Variants in ANKRD55 observed in about 807,000 individuals in gnomAD.
The protein encoded by ANKRD55 is ankyrin repeat domain-containing protein 55.
In ANKRD55, 41 loss-of-function variants were observed where a neutral mutation model predicts 60.6. The observed-to-expected ratio is 0.68, with a 90% CI of 0.53 to 0.88. The LOEUF (loss-of-function observed/expected upper bound fraction) is 0.88. ANKRD55 is among the 40% of genes least tolerant of loss of function. The probability of loss-of-function intolerance (pLI) is 0.00; values close to 1 mark genes in which losing one functional copy is unlikely to be tolerated. For missense variants in ANKRD55, 732 were observed against 767.6 expected (o/e 0.95, Z 0.55); for synonymous variants, 264 against 290.3 (o/e 0.91, Z 0.92).
intron 5 of ANKRD55, among the ~76,000 whole-genome samples, chr5:56,167,787 G>C (rs2111808501): frequency 6.6e-6 from 1 of 152,270 alleles, no homozygotes; most frequent in South Asian, 2.1e-4. Flanking sequence ...CCTAGTTATA[G>C]CAACTTAATG....
At chr5:56,196,277 C>A (rs1759226096) in intron 2 of ANKRD55, among the ~76,000 whole-genome samples, 1 of 152,048 alleles carries the variant, frequency 6.6e-6, no homozygotes, top group Non-Finnish European at 1.5e-5. Flanking sequence ...AATAAGGGAG[C>A]AATAAATAGA....
chr5:56,177,702 G>A (rs1758765686), intron 3 of ANKRD55, among the ~76,000 whole-genome samples: 2 of 152,090 alleles, frequency 1.3e-5, no homozygotes, highest in South Asian at 4.1e-4. Context: ...TTGAACCCGG[G>A]AGGTGGAGGT....
At chr5:56,230,358 A>T (rs763673119) in intron 2 of ANKRD55, among the ~76,000 whole-genome samples, 9 of 152,172 alleles carry the variant, frequency 5.9e-5, no homozygotes, top group Non-Finnish European at 1.2e-4. Flanking sequence ...CTCCCAAAGC[A>T]CTGGGATTAC....
intron 10 of ANKRD55, among the ~76,000 whole-genome samples, chr5:56,109,609 A>T (rs993867498): frequency 1.1e-4 from 16 of 151,800 alleles, no homozygotes; most frequent in African/African-American, 3.9e-4. Context: ...AAGTTCTGAG[A>T]TTACAAGTGT....
chr5:56,135,387 C>T (rs1013541149), intron 7 of ANKRD55, among the ~76,000 whole-genome samples: 2 of 137,186 alleles, frequency 1.5e-5, no homozygotes, highest in Non-Finnish European at 3.1e-5. Flanking sequence ...TTCTTTCTTT[C>T]TTGACAGGGT....
chr5:56,225,693 GACAA>G (rs1351999489), intron 2 of ANKRD55, among the ~76,000 whole-genome samples: 5 of 152,102 alleles, frequency 3.3e-5, no homozygotes, highest in Non-Finnish European at 4.4e-5. Flanking sequence ...ACCAACAACA[GACAA>G]ACAGAGAGCC....
At position 56,111,802 on chromosome 5, in the gene ANKRD55, C is replaced by T; in HGVS notation, c.966-20G>A. The T allele has an allele frequency of 6.8e-7, 1 of 1,477,290 alleles. No individual in the cohort carries two copies. The highest frequency in any genetic ancestry group is 8.9e-7 in the Non-Finnish European group (1 of 1,117,918). The allele number at this position is 1,477,290 out of a possible 1,614,324, so 91.5% of individuals were successfully genotyped here. On this transcript the variant is annotated intron_variant, in intron 9 of 11. Transcript: ENST00000341048. ...TCTGTTCTATGCGAATATAAAAGAG[C>T]AGGGATGATATGTGAGTATGGGAAG...
intron 8 of ANKRD55, among the ~76,000 whole-genome samples, chr5:56,118,904 A>G (rs1237854909): frequency 1.3e-5 from 2 of 152,172 alleles, no homozygotes; most frequent in African/African-American, 4.8e-5. Context: ...ACCCAAAGAG[A>G]ACAAAGCTTG....
intron 6 of ANKRD55, among the ~76,000 whole-genome samples, chr5:56,147,035 C>A (rs576035003): frequency 5.9e-5 from 9 of 152,172 alleles, no homozygotes; most frequent in Non-Finnish European, 1.0e-4. Context: ...GAAACCCCCC[C>A]ACAAAACCCA....
chr5:56,192,715 G>A, intron 2 of ANKRD55: 2 of 1,371,024 alleles, frequency 1.5e-6, no homozygotes, highest in South Asian at 1.2e-5. Context: ...ATAATGGACA[G>A]AATCATCTAG....
rs530251999 is a variant in ANKRD55 at position 56,142,436 on chromosome 5, G to A, written c.612+1365C>T. ...AATCTGTTGTTTTACAAGCACTGCT[G>A]GTGATTCCATCGCAAGGCCAGGTCT... On this transcript the variant is annotated intron_variant, in intron 7 of 11. Transcript: ENST00000341048. Among the ~76,000 whole-genome samples, 5 of 152,314 alleles carry A rather than the reference G, an allele frequency of 3.3e-5. No individual in the cohort carries two copies. In the East Asian group the frequency reaches 7.7e-4, roughly 24 times the overall value.
At chr5:56,232,481 C>A (rs1760280859) in intron 2 of ANKRD55, among the ~76,000 whole-genome samples, 1 of 152,066 alleles carries the variant, frequency 6.6e-6, no homozygotes, top group African/African-American at 2.4e-5. Context: ...CATTGCTTAC[C>A]CTAATTTTTA....
intron 6 of ANKRD55, among the ~76,000 whole-genome samples, chr5:56,152,056 A>G (rs1758067865): frequency 6.8e-6 from 1 of 146,904 alleles, no homozygotes; most frequent in African/African-American, 2.5e-5. Context: ...CTAGAAGTTT[A>G]TAGGGTTGGA....
At chr5:56,211,768 C>T (rs1759679751) in intron 2 of ANKRD55, among the ~76,000 whole-genome samples, 1 of 152,182 alleles carries the variant, frequency 6.6e-6, no homozygotes, top group Non-Finnish European at 1.5e-5. Context: ...TTGCCTTACA[C>T]ATCATTGTGC....
At chr5:56,179,500 C>A (rs928349344) in intron 3 of ANKRD55, among the ~76,000 whole-genome samples, 6 of 151,826 alleles carry the variant, frequency 4.0e-5, no homozygotes, top group African/African-American at 1.5e-4. Flanking sequence ...TAAAAAAATC[C>A]AAGGAAAAGA....
intron 8 of ANKRD55, among the ~76,000 whole-genome samples, chr5:56,122,713 C>G (rs1757107491): frequency 6.6e-6 from 1 of 151,430 alleles, no homozygotes; most frequent in African/African-American, 2.4e-5. Context: ...TGTCACAAAA[C>G]TATGTTCTGA....
chr5:56,232,925 A>G lies in ANKRD55; in HGVS notation c.-12T>C. ...GCCTGTCTCATCATTTACCATCAGA[A>G]TGGCAAAAAGCATCCAGGTCTCTAG... On this transcript the variant is annotated 5_prime_UTR_variant, in exon 2 of 12. Coordinates refer to ENST00000341048, the MANE Select transcript of ANKRD55 (RefSeq NM_024669.3). The G allele has an allele frequency of 6.2e-7, 1 of 1,614,012 alleles. No homozygotes were observed. Among genetic ancestry groups the G allele is most frequent in the East Asian group, 2.2e-5 (1 of 44,876 alleles).
intron 10 of ANKRD55, among the ~76,000 whole-genome samples, chr5:56,104,433 G>A (rs1245120233): frequency 6.6e-6 from 1 of 152,160 alleles, no homozygotes; most frequent in African/African-American, 2.4e-5. Context: ...AAGGGCTACA[G>A]CAGTGACTCG....
At chr5:56,230,631 G>T (rs1213253711) in intron 2 of ANKRD55, among the ~76,000 whole-genome samples, 2 of 152,016 alleles carry the variant, frequency 1.3e-5, no homozygotes, top group African/African-American at 4.8e-5. Context: ...TCTGTATAAT[G>T]GTCTCAACCC....
Sources: allele counts gnomAD v4.1 joint callset (sites outside exome capture counted in the v4.1 genomes callset), GRCh38; gene constraint gnomAD v4.1.1; transcripts MANE v1.5; gene names NCBI Gene and HGNC (gene_info 2026-07-23, HGNC 2026-07-21).